Variants in FXR2 observed in about 807,000 individuals in gnomAD.
The protein encoded by FXR2 is RNA-binding protein FXR2.
FXR2 carries 9 observed loss-of-function variants against 87.3 expected under a neutral mutation model. The ratio of observed to expected loss-of-function variants is 0.10; its 90% CI spans 0.06 to 0.18. The LOEUF is 0.18. Ranked by LOEUF, FXR2 falls within the 10% of genes least tolerant of loss-of-function variation. The pLI, the probability that FXR2 is intolerant of heterozygous loss-of-function variation, is 1.00. For synonymous variants in FXR2, 331 were observed against 328.3 expected (o/e 1.01, Z -0.09); for missense variants, 661 against 893.6 (o/e 0.74, Z 3.32).
At position 7,593,783 on chromosome 17, in the gene FXR2, A is replaced by G. The variant is rs2150940463; in HGVS notation, c.1107+135T>C. 2 of 804,082 alleles carry G rather than the reference A, an allele frequency of 2.5e-6. No homozygotes were observed. Among genetic ancestry groups the G allele is most frequent in the South Asian group, 1.6e-5 (1 of 61,526 alleles). 49.8% of individuals were successfully genotyped at this position (804,082 alleles called of 1,614,324 possible). A position where few individuals can be genotyped will look rare whatever the true frequency, so the allele number is the denominator to read the frequency against. On this transcript the variant is annotated intron_variant, in intron 11 of 16. Transcript: ENST00000250113. The surrounding 1 kb of genome is among the most constrained non-coding windows in gnomAD (Gnocchi z 6.1). The stretch of plus-strand genomic sequence containing the variant: ...AAGGAAAATTCTGGGACCCAACCCT[A>G]TAGCCCCAAATTTCCACAGATGTTT...
In FXR2 at chr17:7,593,277, G is replaced by A; in HGVS notation, c.1331-96C>T. ...GAAGAATTCTCCTTCTCACTCACAAGCCTCCCAGCCAATCAATCACTTTTT... is the reference window on the plus strand; with the variant it reads ...GAAGAATTCTCCTTCTCACTCACAAACCTCCCAGCCAATCAATCACTTTTT... On this transcript the variant is annotated intron_variant, in intron 12 of 16. Coordinates refer to ENST00000250113, the MANE Select transcript of FXR2 (RefSeq NM_004860.4). This position sits in a 1 kb window ranked among gnomAD's most constrained non-coding sequence, Gnocchi z 6.1. 4.9e-6 allele frequency: 6 copies of A among 1,223,506 alleles called. No homozygotes were observed. Among genetic ancestry groups the A allele is most frequent in the Non-Finnish European group, 6.8e-6 (6 of 887,458 alleles). The allele number at this position is 1,223,506 out of a possible 1,614,324, so 75.8% of individuals were successfully genotyped here. A position where few individuals can be genotyped will look rare whatever the true frequency, so the allele number is the denominator to read the frequency against.
chr17:7,594,066 C>T lies in FXR2; in HGVS notation c.1021-62G>A, dbSNP rs1567748344. ...GAAAATGAAATGGAAGGATTAACGC[C>T]GCCCAGTCTCCTAGGGGAGCCTGCC... On this transcript the variant is annotated intron_variant, in intron 10 of 16. Transcript: ENST00000250113. The surrounding 1 kb of genome is among the most constrained non-coding windows in gnomAD (Gnocchi z 5.1). 4.4e-6 allele frequency: 5 copies of T among 1,146,350 alleles called. No homozygotes were observed. The highest frequency in any genetic ancestry group is 1.5e-5 in the African/African-American group (1 of 65,994). The allele number at this position is 1,146,350 out of a possible 1,614,324, so 71.0% of individuals were successfully genotyped here. A position where few individuals can be genotyped will look rare whatever the true frequency, so the allele number is the denominator to read the frequency against.
intron 7 of FXR2, among the ~76,000 whole-genome samples, 155 bp downstream of exon 7, chr17:7,601,254 C>T (rs2071753575): frequency 6.6e-6 from 1 of 151,654 alleles, no homozygotes; most frequent in East Asian, 1.9e-4. Context: ...GCTCTGCCAT[C>T]TGGAGGAGTC....
In FXR2 at chr17:7,592,850, A is replaced by G; in HGVS notation, c.1573T>C (p.Ser525Pro). The G allele has an allele frequency of 6.2e-7, 1 of 1,609,326 alleles. No individual in the cohort carries two copies. Reference protein sequence around the residue: ...DSNPYSLLDTSEPEPPVDSEP... With the variant: ...DSNPYSLLDTPEPEPPVDSEP... ...GAATCAACCGGGGGCTCTGGTTCAG[A>G]CGTGTCCAATAGGCTGTAGGGATTA... is the stretch of plus-strand genomic sequence containing the variant. The change falls in exon 14 of 17, where the codon TCT becomes CCT. Residue 525 changes from serine (S) to proline (P), a missense_variant. By Grantham distance (74) the Ser-to-Pro change is moderately conservative. This residue lies in a region of FXR2 where 409 missense variants were observed against 432.0 expected (regional missense o/e 0.95). Coordinates refer to ENST00000250113, the MANE Select transcript of FXR2 (RefSeq NM_004860.4). The surrounding 1 kb of genome is among the most constrained non-coding windows in gnomAD (Gnocchi z 4.8).
At position 7,594,800 on chromosome 17, in the gene FXR2, C is replaced by A; in HGVS notation, c.832-43G>T. On this transcript the variant is annotated intron_variant, in intron 8 of 16. Transcript: ENST00000250113. The surrounding 1 kb of genome is among the most constrained non-coding windows in gnomAD (Gnocchi z 5.1). The stretch of plus-strand genomic sequence containing the variant: ...GGGAGTTGTTACTAAAACAGAAGAC[C>A]AGCTGGATGTGGTGGCTCACGCCTG... 8.3e-7 allele frequency: 1 copy of A among 1,210,158 alleles called. No homozygotes were observed. Among genetic ancestry groups the A allele is most frequent in the Non-Finnish European group, 1.2e-6 (1 of 811,666 alleles). The allele number at this position is 1,210,158 out of a possible 1,614,324, so 75.0% of individuals were successfully genotyped here. A position where few individuals can be genotyped will look rare whatever the true frequency, so the allele number is the denominator to read the frequency against.
Position 7,593,544 on chromosome 17 carries a change from T to A in FXR2, c.1189A>T (p.Ser397Cys). 1 of 1,595,144 alleles carries A rather than the reference T, an allele frequency of 6.3e-7. No individual in the cohort carries two copies. Among genetic ancestry groups the A allele is most frequent in the Non-Finnish European group, 8.5e-7 (1 of 1,172,438 alleles). Residue 397 changes from serine (S) to cysteine (C), a missense_variant, in exon 12 of 17, where the codon AGT becomes TGT. Coordinates refer to ENST00000250113, the MANE Select transcript of FXR2 (RefSeq NM_004860.4). This position sits in a 1 kb window ranked among gnomAD's most constrained non-coding sequence, Gnocchi z 6.1. ...QIGLGFRPPG[S>C]GRGSGGSDKA... ...TCGCTGCCACCGCTGCCCCGCCCAC[T>A]CCCAGGAGGGCGAAAGCCCAGCCCA... is the stretch of plus-strand genomic sequence containing the variant.
intron 1 of FXR2, among the ~76,000 whole-genome samples, chr17:7,610,413 A>T (rs2071853978): frequency 6.6e-6 from 1 of 152,152 alleles, no homozygotes; most frequent in South Asian, 2.1e-4. Context: ...CTCCTCCACC[A>T]TGTTAGGCTT....
Position 7,591,878 on chromosome 17 carries a change from C to G in FXR2, c.1974G>C (p.Glu658Asp), listed in dbSNP as rs772081746. 1 of 1,606,662 alleles carries G rather than the reference C, an allele frequency of 6.2e-7. No homozygotes were observed. Among genetic ancestry groups the G allele is most frequent in the Non-Finnish European group, 8.5e-7 (1 of 1,173,248 alleles). ...TACCCAACTCCAAGGGGGCGGAGAG[C>G]TCCCCATTCTCCGAGGGGCCCTTAG... is the stretch of plus-strand genomic sequence containing the variant. Reference protein sequence around the residue: ...KLPKGPSENGELSAPLELGSM... With the variant: ...KLPKGPSENGDLSAPLELGSM... The change falls in exon 17 of 17, where the codon GAG becomes GAC. Residue 658 changes from glutamate to aspartate, a missense_variant. Physicochemically the swap from Glu to Asp is conservative, Grantham distance 45 (BLOSUM62 2). This residue lies in a region of FXR2 where 409 missense variants were observed against 432.0 expected (regional missense o/e 0.95). Transcript: ENST00000250113. The surrounding 1 kb of genome is among the most constrained non-coding windows in gnomAD (Gnocchi z 4.0).
intron 7 of FXR2, among the ~76,000 whole-genome samples, chr17:7,601,177 T>TC (rs1322642078): frequency 1.5e-5 from 2 of 135,368 alleles, no homozygotes; most frequent in African/African-American, 5.7e-5. Flanking sequence ...AGACTCTGTC[T>TC]CCCAAAAAAA....
Position 7,591,965 on chromosome 17 carries a change from C to A in FXR2, c.1927-40G>T. On this transcript the variant is annotated intron_variant, in intron 16 of 16. Coordinates refer to ENST00000250113, the MANE Select transcript of FXR2 (RefSeq NM_004860.4). The surrounding 1 kb of genome is among the most constrained non-coding windows in gnomAD (Gnocchi z 4.0). Reference sequence around the variant, plus strand: ...GGAAAGAAAACAGAAAAGCAAGAAGCGGTGAGTAGAAATTCAGGTGGGAGA... The same window carrying A: ...GGAAAGAAAACAGAAAAGCAAGAAGAGGTGAGTAGAAATTCAGGTGGGAGA... 7.5e-7 allele frequency: 1 copy of A among 1,325,828 alleles called. No homozygotes were observed. Among genetic ancestry groups the A allele is most frequent in the Non-Finnish European group, 1.1e-6 (1 of 932,732 alleles). The allele number at this position is 1,325,828 out of a possible 1,614,324, so 82.1% of individuals were successfully genotyped here.
Position 7,593,791 on chromosome 17 carries a change from A to G in FXR2, c.1107+127T>C, listed in dbSNP as rs1368376199. 6.2e-6 allele frequency: 5 copies of G among 812,894 alleles called. No homozygotes were observed. The South Asian group carries it at 6.4e-5, about 10-fold the overall frequency. 50.4% of individuals were successfully genotyped at this position (812,894 alleles called of 1,614,324 possible). A position where few individuals can be genotyped will look rare whatever the true frequency, so the allele number is the denominator to read the frequency against. On this transcript the variant is annotated intron_variant, in intron 11 of 16. Transcript: ENST00000250113. This position sits in a 1 kb window ranked among gnomAD's most constrained non-coding sequence, Gnocchi z 6.1. ...TTCTGGGACCCAACCCTATAGCCCC[A>G]AATTTCCACAGATGTTTTCTGTTCT...
intron 1 of FXR2, among the ~76,000 whole-genome samples, chr17:7,611,560 C>T (rs1174016668): frequency 2.0e-5 from 3 of 152,014 alleles, no homozygotes; most frequent in African/African-American, 7.2e-5. Context: ...CCCAGCTACT[C>T]GGGAGGCTGA....
intron 7 of FXR2, among the ~76,000 whole-genome samples, chr17:7,600,588 A>C (rs1484737178): frequency 1.3e-5 from 2 of 152,226 alleles, no homozygotes; most frequent in African/African-American, 2.4e-5. Context: ...TCTTGAGCCT[A>C]GAAGTTCAAG....
intron 5 of FXR2, 24 bp downstream of exon 5, chr17:7,603,733 A>G (rs369096884): frequency 1.2e-6 from 2 of 1,612,180 alleles, no homozygotes; most frequent in African/African-American, 2.7e-5. Context: ...GAGGGCCCTC[A>G]TTCCCACCAT....
At position 7,605,660 on chromosome 17, in the gene FXR2, T is replaced by G. The variant is rs1485800558; in HGVS notation, c.213A>C (p.Glu71Asp). The change falls in exon 3 of 17, where the codon GAA becomes GAC. Residue 71 changes from glutamate (E) to aspartate (D), a missense_variant. By Grantham distance (45) the Glu-to-Asp change is conservative (BLOSUM62 2). Transcript: ENST00000250113. The part of the protein sequence containing the change: ...PPADYNKEIT[E>D]GDEVEVYSRA... ...CAGCCCTTACCTCCACTTCATCCCC[T>G]TCTGTGATCTCCTTATTATAGTCAG... The G allele has an allele frequency of 6.4e-7, 1 of 1,556,864 alleles. No homozygotes were observed. The highest frequency in any genetic ancestry group is 8.9e-7 in the Non-Finnish European group (1 of 1,129,306).
intron 7 of FXR2, among the ~76,000 whole-genome samples, chr17:7,599,166 G>A (rs913119025): frequency 1.3e-5 from 2 of 151,702 alleles, no homozygotes; most frequent in African/African-American, 2.4e-5. Flanking sequence ...CAGGTATGGT[G>A]GCATGCACCT....
intron 1 of FXR2, among the ~76,000 whole-genome samples, chr17:7,612,988 C>G (rs1383719060): frequency 2.0e-5 from 2 of 98,092 alleles, no homozygotes; most frequent in Non-Finnish European, 3.6e-5. Context: ...CAGGGCGAGA[C>G]TCCATCTCAA....
At chr17:7,609,941 C>CGT (rs2071838669) in intron 1 of FXR2, among the ~76,000 whole-genome samples, 1 of 139,468 alleles carries the variant, frequency 7.2e-6, no homozygotes, top group African/African-American at 2.6e-5. Flanking sequence ...TATATATATA[C>CGT]ATGTATATGT....
At chr17:7,600,498 A>T (rs1597875174) in intron 7 of FXR2, among the ~76,000 whole-genome samples, 3 of 152,214 alleles carry the variant, frequency 2.0e-5, no homozygotes. Flanking sequence ...CACCCTAAAA[A>T]ATAAATATTC....
Sources: gnomAD v4.1 joint callset for allele counts (sites outside exome capture counted in the v4.1 genomes callset) on GRCh38, gnomAD v4.1.1 for gene constraint, gnomAD v4.1.1 regional missense constraint, Gnocchi (gnomAD v3.1) non-coding constraint, MANE v1.5 for transcripts, NCBI Gene and HGNC (gene_info 2026-07-23, HGNC 2026-07-21) for gene names.